STAB2: variants seen among roughly 807,000 people sequenced by gnomAD.
STAB2 encodes stabilin-2.
Under a neutral mutation model 338.1 loss-of-function variants are expected in STAB2, and 288 were observed. The ratio of observed to expected loss-of-function variants is 0.85; its 90% confidence interval spans 0.77 to 0.94. The LOEUF is 0.94. STAB2 is among the 40% of genes least tolerant of loss of function. STAB2 has a pLI of 0.00. For synonymous variants in STAB2, 1,202 were observed against 1,193.3 expected, an observed-to-expected ratio of 1.01 and a Z score of -0.15; for missense variants, 3,141 against 3,210.1, an observed-to-expected ratio of 0.98 and a Z score of 0.52.
chr12:103,653,958 GTGGA>G (rs143880101), intron 12 of STAB2, among the ~76,000 whole-genome samples: 24 of 142,676 alleles, frequency 1.7e-4, no homozygotes, highest in East Asian at 8.9e-4. Context: ...GCATGGATAG[GTGGA>G]TGGATGGATG....
intron 34 of STAB2, among the ~76,000 whole-genome samples, chr12:103,702,678 T>G (rs1338484618): frequency 6.6e-6 from 1 of 152,214 alleles, no homozygotes; most frequent in African/African-American, 2.4e-5. Context: ...AGCGGAGACA[T>G]ACTGAAAGGA....
chr12:103,625,115 T>C (rs1342076078), intron 5 of STAB2, among the ~76,000 whole-genome samples: 1 of 152,160 alleles, frequency 6.6e-6, no homozygotes, highest in Non-Finnish European at 1.5e-5. Flanking sequence ...GCTAAATAAA[T>C]ATTGAAATGG....
intron 9 of STAB2, among the ~76,000 whole-genome samples, chr12:103,642,559 C>T (rs1370243957): frequency 6.6e-6 from 1 of 152,224 alleles, no homozygotes; most frequent in African/African-American, 2.4e-5. Context: ...AAGAGACATT[C>T]TCAGATGGAT....
At chr12:103,729,328 C>T (rs889195089) in intron 48 of STAB2, among the ~76,000 whole-genome samples, 1 of 152,008 alleles carries the variant, frequency 6.6e-6, no homozygotes, top group Non-Finnish European at 1.5e-5. Flanking sequence ...AGCAAACCTG[C>T]ATATGTTCCC....
At chr12:103,669,794 TG>T (rs958670555) in intron 21 of STAB2, among the ~76,000 whole-genome samples, 167 bp downstream of exon 21, 14 of 152,114 alleles carry the variant, frequency 9.2e-5, no homozygotes, top group Non-Finnish European at 1.9e-4. Context: ...GGGTCTGGGA[TG>T]GGGGATGGGA....
At chr12:103,693,876 G>A (rs1878170345) in intron 31 of STAB2, among the ~76,000 whole-genome samples, 1 of 151,954 alleles carries the variant, frequency 6.6e-6, no homozygotes, top group Admixed American at 6.6e-5. Context: ...TTCTCAGTTG[G>A]GCACGGTGGC....
rs77170002 is a variant in STAB2 at position 103,677,195 on chromosome 12, C to T, written c.2647-258C>T. On this transcript the variant is annotated intron_variant, in intron 24 of 68. Coordinates refer to ENST00000388887, the MANE Select transcript of STAB2 (RefSeq NM_017564.10). ...CTTTCCTCAAGATGATGGTTTACAC[C>T]TGCAAAACAATATAAACAGTCCCTG... is the stretch of plus-strand genomic sequence containing the variant. Among the ~76,000 whole-genome samples the T allele has an allele frequency of 9.0e-4, 137 of 152,274 alleles. 1 individual carries two copies. The East Asian group carries it at 0.023, about 26-fold the overall frequency.
intron 36 of STAB2, chr12:103,704,839 C>A: frequency 2.3e-6 from 1 of 431,208 alleles, no homozygotes; most frequent in Non-Finnish European, 4.1e-6. Flanking sequence ...AATCAACAGA[C>A]AGGACAGAAA....
chr12:103,728,973 C>A lies in STAB2; in HGVS notation c.5060C>A (p.Pro1687Gln). Residue 1687 changes from proline to glutamine, a missense_variant, in exon 48 of 69, where the codon CCA becomes CAA. Transcript: ENST00000388887. The stretch of plus-strand genomic sequence containing the variant: ...AATGCTACTTCCCTCCAAGGAGAGC[C>A]AATAGTCATCTCCGTCTCTCAGGTA... ...ISNATSLQGEPIVISVSQSTV... is the reference protein window; with the variant it reads ...ISNATSLQGEQIVISVSQSTV... 2 of 1,613,916 alleles carry A rather than the reference C, an allele frequency of 1.2e-6. No individual in the cohort carries two copies. Among genetic ancestry groups the A allele is most frequent in the Non-Finnish European group, 1.7e-6 (2 of 1,179,828 alleles).
At position 103,685,082 on chromosome 12, in the gene STAB2, G is replaced by T. The variant is rs751832988; in HGVS notation, c.2995G>T (p.Val999Leu). The change falls in exon 27 of 69, where the codon GTG (valine) becomes TTG (leucine). Residue 999 changes from valine to leucine, a missense_variant and splice_region_variant. Physicochemically the swap from Val to Leu is conservative, Grantham distance 32. Coordinates refer to ENST00000388887, the MANE Select transcript of STAB2 (RefSeq NM_017564.10). ...DGFLCYGNAA[V>L]ELSFLSEAAI... is the part of the protein sequence containing the mutation. ...CTTTCTGTGCTATGGAAACGCAGCA[G>T]TGGTAAGTCATCGATGATGAACTCA... is the stretch of plus-strand genomic sequence containing the variant. 2.5e-6 allele frequency: 4 copies of T among 1,613,624 alleles called. No homozygotes were observed. The highest frequency in any genetic ancestry group is 3.4e-6 in the Non-Finnish European group (4 of 1,179,686).
intron 34 of STAB2, among the ~76,000 whole-genome samples, chr12:103,702,024 C>CA (rs1566028133): frequency 2.1e-5 from 3 of 140,628 alleles, no homozygotes; most frequent in African/African-American, 8.0e-5. Context: ...ACACACACAC[C>CA]CCACCCCAAT....
intron 5 of STAB2, among the ~76,000 whole-genome samples, chr12:103,628,637 C>T (rs183663036): frequency 3.5e-4 from 54 of 152,318 alleles, no homozygotes; most frequent in Non-Finnish European, 6.3e-4. Flanking sequence ...GACAGTATCA[C>T]TCCAATCTCG....
At chr12:103,714,549 T>C (rs562462532) in intron 42 of STAB2, among the ~76,000 whole-genome samples, 2 of 152,158 alleles carry the variant, frequency 1.3e-5, no homozygotes, top group East Asian at 3.9e-4. Context: ...AATACAAAAT[T>C]AGCCGGGTGT....
rs1215219582 is a variant in STAB2 at position 103,649,091 on chromosome 12, G to T, written c.1174+268G>T. On this transcript the variant is annotated intron_variant, in intron 10 of 68. Transcript: ENST00000388887. ...GGGGTCGCCATAGACCAACAGAGCTGCAGTAACAGTAAGAACAGGACAGCT... is the reference window on the plus strand; with the variant it reads ...GGGGTCGCCATAGACCAACAGAGCTTCAGTAACAGTAAGAACAGGACAGCT... 2.0e-5 allele frequency among the ~76,000 whole-genome samples: 3 copies of T among 152,188 alleles called. No individual in the cohort carries two copies. The East Asian group carries it at 5.8e-4, about 29-fold the overall frequency.
chr12:103,698,086 C>G (rs1205867041), intron 33 of STAB2, among the ~76,000 whole-genome samples: 1 of 152,104 alleles, frequency 6.6e-6, no homozygotes, highest in African/African-American at 2.4e-5. Context: ...CTGGGTGATG[C>G]CAATAGGAAC....
At chr12:103,593,993 G>A (rs1331492143) in intron 2 of STAB2, among the ~76,000 whole-genome samples, 1 of 152,196 alleles carries the variant, frequency 6.6e-6, no homozygotes, top group Non-Finnish European at 1.5e-5. Context: ...TGCTAAGCCT[G>A]AGCAATGGGT....
chr12:103,619,043 T>A (rs1475827359), intron 3 of STAB2, among the ~76,000 whole-genome samples: 7 of 152,206 alleles, frequency 4.6e-5, no homozygotes, highest in Admixed American at 3.9e-4. Flanking sequence ...CTTTGTCTTC[T>A]GCCATAATTT....
intron 49 of STAB2, among the ~76,000 whole-genome samples, chr12:103,730,634 CT>C (rs1190171863): frequency 4.6e-5 from 7 of 152,116 alleles, no homozygotes; most frequent in Non-Finnish European, 8.8e-5. Context: ...ACAGAATCCA[CT>C]ACACTTAGAC....
chr12:103,688,249 T>C, intron 28 of STAB2, 34 bp downstream of exon 28: 2 of 1,606,058 alleles, frequency 1.2e-6, no homozygotes, highest in South Asian at 1.1e-5. Context: ...GGATTGGGAA[T>C]GTATATATTT....
Sources: allele counts gnomAD v4.1 joint callset (sites outside exome capture counted in the v4.1 genomes callset), GRCh38; gene constraint gnomAD v4.1.1; transcripts MANE v1.5; gene names NCBI Gene and HGNC (gene_info 2026-07-23, HGNC 2026-07-21).